KLHL29: variants seen among roughly 807,000 people sequenced by gnomAD.
KLHL29 encodes kelch like family member 29.
In KLHL29, 21 loss-of-function variants were observed where a neutral mutation model predicts 80.4. The observed-to-expected ratio is 0.26, with a 90% CI of 0.19 to 0.38. KLHL29 has a LOEUF of 0.38. Ranked by LOEUF, KLHL29 falls within the 10% of genes least tolerant of loss-of-function variation. The pLI is 1.00. For missense variants in KLHL29, 867 were observed against 1,223.9 expected (o/e 0.71, Z 4.35); for synonymous variants, 511 against 526.8 (o/e 0.97, Z 0.41).
chr2:23,610,121 C>T (rs1668822756), intron 3 of KLHL29, among the ~76,000 whole-genome samples: 1 of 152,156 alleles, frequency 6.6e-6, no homozygotes, highest in Admixed American at 6.5e-5. Flanking sequence ...CCCACAAAGC[C>T]CTTCCTCCCA....
chr2:23,597,642 T>A (rs1668462677), intron 3 of KLHL29, among the ~76,000 whole-genome samples: 1 of 151,644 alleles, frequency 6.6e-6, no homozygotes, highest in South Asian at 2.1e-4. Flanking sequence ...CCAGACTGGT[T>A]TTGAACTCCT....
At chr2:23,673,267 CAAG>C in intron 5 of KLHL29, among the ~76,000 whole-genome samples, 1 of 120,900 alleles carries the variant, frequency 8.3e-6, no homozygotes, top group South Asian at 2.7e-4. Flanking sequence ...GCACTATACA[CAAG>C]AGGACACACT....
intron 2 of KLHL29, among the ~76,000 whole-genome samples, chr2:23,525,203 G>A (rs2103473158): frequency 6.6e-6 from 1 of 152,310 alleles, no homozygotes; most frequent in Non-Finnish European, 1.5e-5. Context: ...GAAGACTTGA[G>A]GACTGAGAAT....
intron 2 of KLHL29, among the ~76,000 whole-genome samples, chr2:23,497,508 C>T (rs770173285): frequency 1.5e-4 from 23 of 152,286 alleles, no homozygotes; most frequent in Admixed American, 3.3e-4. Context: ...ATGAGCCAAG[C>T]CTCCTTTGGG....
intron 2 of KLHL29, among the ~76,000 whole-genome samples, chr2:23,560,828 G>T (rs920437328): frequency 2.6e-5 from 4 of 152,238 alleles, no homozygotes; most frequent in African/African-American, 9.6e-5. Context: ...CACAGGCCCT[G>T]GCTCCATGGC....
chr2:23,430,728 G>A (rs961306585), intron 1 of KLHL29, among the ~76,000 whole-genome samples: 5 of 152,294 alleles, frequency 3.3e-5, no homozygotes, highest in Non-Finnish European at 5.9e-5. Flanking sequence ...TGATGCCTGT[G>A]CTACTGTGGT....
intron 1 of KLHL29, among the ~76,000 whole-genome samples, chr2:23,423,618 G>A (rs963891599): frequency 2.6e-5 from 4 of 152,174 alleles, no homozygotes; most frequent in African/African-American, 9.7e-5. Flanking sequence ...TGCTGGCCAT[G>A]GGGTCAGTCA....
chr2:23,695,856 C>T lies in KLHL29; in HGVS notation c.1741+35C>T. 1.3e-6 allele frequency: 2 copies of T among 1,538,982 alleles called. No individual in the cohort carries two copies. The highest frequency in any genetic ancestry group is 1.2e-5 in the South Asian group (1 of 81,966). ...GGCACGCCCCGAACCTCCCAAGAAG[C>T]AGTGTCTTGGGCTCAGTGGTTCCAG... On this transcript the variant is annotated intron_variant, in intron 9 of 13. Coordinates refer to ENST00000486442, the MANE Select transcript of KLHL29 (RefSeq NM_052920.2). The surrounding 1 kb of genome is among the most constrained non-coding windows in gnomAD (Gnocchi z 7.6).
chr2:23,581,839 A>AAAAAAC (rs1323044451), intron 3 of KLHL29, among the ~76,000 whole-genome samples: 2 of 151,704 alleles, frequency 1.3e-5, no homozygotes, highest in Admixed American at 6.6e-5. Context: ...AAAAAAAAAA[A>AAAAAAC]AAAAAAACTT....
intron 2 of KLHL29, among the ~76,000 whole-genome samples, chr2:23,486,759 C>T (rs78794045): frequency 1.3e-5 from 2 of 152,306 alleles, no homozygotes; most frequent in South Asian, 4.2e-4. Context: ...TCCCTGCTCA[C>T]CTCTGGTGTC....
At chr2:23,564,253 G>A (rs2103498495) in intron 3 of KLHL29, among the ~76,000 whole-genome samples, 1 of 152,342 alleles carries the variant, frequency 6.6e-6, no homozygotes, top group African/African-American at 2.4e-5. Flanking sequence ...CTCCCGCTTT[G>A]CTCCAGAGTG....
At chr2:23,465,510 T>C (rs1664324722) in intron 1 of KLHL29, among the ~76,000 whole-genome samples, 1 of 152,088 alleles carries the variant, frequency 6.6e-6, no homozygotes, top group Non-Finnish European at 1.5e-5. Context: ...CGTGAGACAA[T>C]TTCAGGTGCA....
rs185653749 is a variant in KLHL29, at chr2:23,521,537, C to G, written c.-45-40615C>G. On this transcript the variant is annotated intron_variant, in intron 2 of 13. Transcript: ENST00000486442. ...GCTGGGCAGTCATGAGCTCCCTCAG[C>G]ATCCTCAGGCCCAGTAGCCACTCCT... Among the ~76,000 whole-genome samples, 93 of 152,324 alleles carry G rather than the reference C, an allele frequency of 6.1e-4. 1 individual carries two copies. Among genetic ancestry groups the G allele is most frequent in the African/African-American group, 2.0e-3 (84 of 41,566 alleles).
At chr2:23,414,639 C>T (rs1196765765) in intron 1 of KLHL29, among the ~76,000 whole-genome samples, 1 of 152,186 alleles carries the variant, frequency 6.6e-6, no homozygotes, top group Non-Finnish European at 1.5e-5. Flanking sequence ...ACTGGAGATC[C>T]TTCAGCCAGG....
At chr2:23,434,207 G>A (rs530975322) in intron 1 of KLHL29, among the ~76,000 whole-genome samples, 49 of 151,772 alleles carry the variant, frequency 3.2e-4, no homozygotes, top group African/African-American at 1.2e-3. Flanking sequence ...TGTAGTCCCA[G>A]CTACTTGGGA....
intron 2 of KLHL29, among the ~76,000 whole-genome samples, chr2:23,510,148 G>A (rs78924194): frequency 3.3e-5 from 5 of 152,232 alleles, no homozygotes; most frequent in African/African-American, 1.2e-4. Flanking sequence ...TTCAGTGTGA[G>A]GCCATGTGCT....
intron 2 of KLHL29, among the ~76,000 whole-genome samples, chr2:23,511,675 T>C (rs1665775878): frequency 1.3e-5 from 2 of 152,238 alleles, no homozygotes; most frequent in East Asian, 3.8e-4. Context: ...ATTTTGTTTT[T>C]TCTGAAATTC....
At chr2:23,439,509 T>C (rs1262743058) in intron 1 of KLHL29, among the ~76,000 whole-genome samples, 4 of 151,454 alleles carry the variant, frequency 2.6e-5, no homozygotes, top group Non-Finnish European at 5.9e-5. Flanking sequence ...TGGTATGTTG[T>C]GTCTTTGTTC....
chr2:23,633,783 G>GTGTA (rs1439572415), intron 3 of KLHL29, among the ~76,000 whole-genome samples: 2 of 152,006 alleles, frequency 1.3e-5, no homozygotes, highest in Non-Finnish European at 2.9e-5. Context: ...GTGTGTGTGT[G>GTGTA]TGTGTGTGTT....
Sources: gnomAD v4.1 joint callset for allele counts (sites outside exome capture counted in the v4.1 genomes callset) on GRCh38, gnomAD v4.1.1 for gene constraint, Gnocchi (gnomAD v3.1) non-coding constraint, MANE v1.5 for transcripts, NCBI Gene and HGNC (gene_info 2026-07-23, HGNC 2026-07-21) for gene names.